The following PI4K2B variants were observed in gnomAD, a reference collection of about 807,000 sequenced individuals.
The protein encoded by PI4K2B is phosphatidylinositol 4-kinase type 2 beta, also known as phosphatidylinositol 4-kinase type 2-beta.
PI4K2B carries 46 observed loss-of-function variants against 56.6 expected under a neutral mutation model. The ratio of observed to expected loss-of-function variants is 0.81; its 90% confidence interval spans 0.64 to 1.04. PI4K2B has a LOEUF of 1.04. Among genes scored for constraint, PI4K2B ranks in the 50% least tolerant of loss-of-function variants. The pLI is 0.00. For synonymous variants in PI4K2B, 211 were observed against 223.8 expected (o/e 0.94, Z 0.51); for missense variants, 556 against 607.7 (o/e 0.91, Z 0.89).
intron 1 of PI4K2B, among the ~76,000 whole-genome samples, chr4:25,249,728 A>G (rs924906071): frequency 1.3e-5 from 2 of 149,678 alleles, no homozygotes; most frequent in Admixed American, 1.3e-4. Context: ...CACTCTTCAC[A>G]TCTCAGACGG....
intron 1 of PI4K2B, among the ~76,000 whole-genome samples, chr4:25,245,103 C>T (rs542440741): frequency 8.3e-4 from 126 of 152,246 alleles, no homozygotes; most frequent in African/African-American, 2.9e-3. Flanking sequence ...TCAGGAATAG[C>T]TTTTGTTAGG....
At chr4:25,236,963 ACCAT>A (rs1348812486) in intron 1 of PI4K2B, among the ~76,000 whole-genome samples, 1 of 152,218 alleles carries the variant, frequency 6.6e-6, no homozygotes, top group Non-Finnish European at 1.5e-5. Context: ...TTTGTCCTTT[ACCAT>A]CCGATTTCCA....
intron 1 of PI4K2B, among the ~76,000 whole-genome samples, chr4:25,243,271 C>T (rs1478351154): frequency 1.3e-5 from 2 of 152,236 alleles, no homozygotes; most frequent in Admixed American, 6.5e-5. Flanking sequence ...AGGGAACCTT[C>T]GTCCTCTGGG....
In PI4K2B at chr4:25,245,775, C is replaced by T. The variant is rs367835827; in HGVS notation, c.269-6546C>T. On this transcript the variant is annotated intron_variant, in intron 1 of 9. Transcript: ENST00000264864. ...GACAGTCTCACTGCTCAGCGATAGG[C>T]GATGGTCTCACTGCTCGGTGATAGT... is the stretch of plus-strand genomic sequence containing the variant. 5.3e-5 allele frequency among the ~76,000 whole-genome samples: 8 copies of T among 152,236 alleles called. No homozygotes were observed. In the East Asian group the frequency reaches 7.7e-4, roughly 15 times the overall value.
intron 1 of PI4K2B, among the ~76,000 whole-genome samples, chr4:25,240,399 C>T (rs769024274): frequency 2.0e-5 from 3 of 152,088 alleles, no homozygotes; most frequent in Non-Finnish European, 4.4e-5. Flanking sequence ...CTGAAAAATC[C>T]TTTGAGAGTG....
intron 1 of PI4K2B, 143 bp from the exon 2 acceptor site, chr4:25,252,178 A>T: frequency 2.1e-6 from 1 of 486,708 alleles, no homozygotes. Context: ...GTTGTTAGGC[A>T]GTGGGGGGAA....
Position 25,234,117 on chromosome 4 carries a change from C to T in PI4K2B, c.-47C>T, listed in dbSNP as rs1434398737. On this transcript the variant is annotated 5_prime_UTR_variant, in exon 1 of 10. Coordinates refer to ENST00000264864, the MANE Select transcript of PI4K2B (RefSeq NM_018323.4). Reference sequence around the variant, plus strand: ...CCATGCAGAGCCCAGTCTCTGGCACCTGGCTGCTCTGATCTGGTCTCAGCG... The same window carrying T: ...CCATGCAGAGCCCAGTCTCTGGCACTTGGCTGCTCTGATCTGGTCTCAGCG... 3 of 1,254,412 alleles carry T rather than the reference C, an allele frequency of 2.4e-6. No individual in the cohort carries two copies. Among genetic ancestry groups the T allele is most frequent in the South Asian group, 3.0e-5 (1 of 32,936 alleles). 77.7% of individuals were successfully genotyped at this position (1,254,412 alleles called of 1,614,324 possible).
chr4:25,247,041 G>A (rs12501759), intron 1 of PI4K2B, among the ~76,000 whole-genome samples: 61,769 of 152,180 alleles, frequency 0.41, 15,448 homozygotes, highest in Non-Finnish European at 0.55. Context: ...TTTGGCCTTC[G>A]CCAGCCCAGA....
At chr4:25,273,130 G>GT (rs67178709) in intron 9 of PI4K2B, among the ~76,000 whole-genome samples, 3 of 149,504 alleles carry the variant, frequency 2.0e-5, no homozygotes, top group East Asian at 1.9e-4. Flanking sequence ...CAATATGAAA[G>GT]TTTTTTTTTT....
At chr4:25,271,421 T>C (rs868800715) in intron 9 of PI4K2B, among the ~76,000 whole-genome samples, 1 of 152,168 alleles carries the variant, frequency 6.6e-6, no homozygotes. Context: ...AGCAAAAATA[T>C]TTATATCCCT....
In PI4K2B at chr4:25,277,188, T is replaced by C. The variant is rs1262299251; in HGVS notation, c.*1T>C. ...GAAGCCATTTTTTTCCTCCTGGTAG[T>C]AAATGTCAGAGTAAGAGAAACAAAC... On this transcript the variant is annotated 3_prime_UTR_variant, in exon 10 of 10. Transcript: ENST00000264864. 1 of 1,609,964 alleles carries C rather than the reference T, an allele frequency of 6.2e-7. No individual in the cohort carries two copies. Among genetic ancestry groups the C allele is most frequent in the East Asian group, 2.2e-5 (1 of 44,828 alleles).
At position 25,234,295 on chromosome 4, in the gene PI4K2B, C is replaced by A; in HGVS notation, c.132C>A (p.Gly44=). The part of the protein sequence containing the change: ...AWAHPRRGAP[G]SAVRLLDAAG... Reference sequence around the variant, plus strand: ...CCCACCCGCGGAGAGGCGCCCCAGGCAGCGCCGTGAGGCTGCTGGACGCTG... The same window carrying A: ...CCCACCCGCGGAGAGGCGCCCCAGGAAGCGCCGTGAGGCTGCTGGACGCTG... The change falls in exon 1 of 10, where the codon GGC becomes GGA. Residue 44 remains glycine (G), a synonymous_variant. Transcript: ENST00000264864. 7.0e-7 allele frequency: 1 copy of A among 1,418,446 alleles called. No homozygotes were observed. Among genetic ancestry groups the A allele is most frequent in the East Asian group, 3.1e-5 (1 of 32,600 alleles). The allele number at this position is 1,418,446 out of a possible 1,614,324, so 87.9% of individuals were successfully genotyped here. A position where few individuals can be genotyped will look rare whatever the true frequency, so the allele number is the denominator to read the frequency against.
chr4:25,266,411 C>G (rs945410199), intron 7 of PI4K2B, among the ~76,000 whole-genome samples: 2 of 152,100 alleles, frequency 1.3e-5, no homozygotes, highest in African/African-American at 4.8e-5. Flanking sequence ...TTTTTTAACC[C>G]AGTCTGAGTC....
Position 25,255,135 on chromosome 4 carries a change from A to G in PI4K2B, c.494A>G (p.Tyr165Cys), listed in dbSNP as rs1236958496. 9.3e-6 allele frequency: 15 copies of G among 1,613,744 alleles called. No individual in the cohort carries two copies. The highest frequency in any genetic ancestry group is 1.2e-5 in the Non-Finnish European group (14 of 1,179,600). The change falls in exon 3 of 10, where the codon TAT becomes TGT. Residue 165 changes from tyrosine (Y) to cysteine (C), a missense_variant. Coordinates refer to ENST00000264864, the MANE Select transcript of PI4K2B (RefSeq NM_018323.4). Reference protein sequence around the residue: ...YGQLNPKWTKYVHKVCCPCCF... With the variant: ...YGQLNPKWTKCVHKVCCPCCF... ...CAACTCAATCCAAAATGGACCAAAT[A>G]TGTCCATAAGGTCTGCTGCCCTTGC...
intron 1 of PI4K2B, among the ~76,000 whole-genome samples, chr4:25,244,086 G>A (rs989191135): frequency 1.7e-4 from 26 of 152,216 alleles, no homozygotes; most frequent in African/African-American, 6.0e-4. Context: ...GACCCTTTAG[G>A]ACATCTATGT....
chr4:25,268,734 A>T (rs1341677141), intron 8 of PI4K2B, among the ~76,000 whole-genome samples, 158 bp downstream of exon 8: 1 of 152,264 alleles, frequency 6.6e-6, no homozygotes, highest in African/African-American at 2.4e-5. Flanking sequence ...TTACAGGAGC[A>T]TAGATTCATA....
At chr4:25,251,686 C>T (rs993471295) in intron 1 of PI4K2B, among the ~76,000 whole-genome samples, 6 of 151,854 alleles carry the variant, frequency 4.0e-5, no homozygotes, top group Middle Eastern at 3.2e-3. Context: ...TGACAAAATC[C>T]GAGATATGAT....
chr4:25,256,715 C>A, intron 4 of PI4K2B, 41 bp downstream of exon 4: 3 of 1,579,410 alleles, frequency 1.9e-6, no homozygotes, highest in Non-Finnish European at 2.6e-6. Flanking sequence ...GGCATTTGGG[C>A]ACATACATCC....
chr4:25,234,044 T>C lies in PI4K2B; in HGVS notation c.-120T>C. On this transcript the variant is annotated 5_prime_UTR_variant, in exon 1 of 10. Coordinates refer to ENST00000264864, the MANE Select transcript of PI4K2B (RefSeq NM_018323.4). The stretch of plus-strand genomic sequence containing the variant: ...GCTGGGCGGGCGCCAAGCGTGCCCG[T>C]GCGCTGGTGAGGTGGCGTCCGTTCT... 1.1e-6 allele frequency: 1 copy of C among 871,470 alleles called. No individual in the cohort carries two copies. The highest frequency in any genetic ancestry group is 1.5e-6 in the Non-Finnish European group (1 of 659,780). 54.0% of individuals were successfully genotyped at this position (871,470 alleles called of 1,614,324 possible).
Sources: allele counts gnomAD v4.1 joint callset (sites outside exome capture counted in the v4.1 genomes callset), GRCh38; gene constraint gnomAD v4.1.1; transcripts MANE v1.5; gene names NCBI Gene and HGNC (gene_info 2026-07-23, HGNC 2026-07-21).